Variants in ZNF665 observed in about 807,000 individuals in gnomAD.
The protein encoded by ZNF665 is zinc finger protein 665.
Under a neutral mutation model 7.9 loss-of-function variants are expected in ZNF665, and 6 were observed. That is an observed-to-expected ratio of 0.76 (90% confidence interval 0.42 to 1.50). ZNF665 has a LOEUF of 1.50. ZNF665 is among the 40% of genes most tolerant of loss of function. The pLI, the probability that ZNF665 is intolerant of heterozygous loss-of-function variation, is 0.01. For synonymous variants in ZNF665, 242 were observed against 274.5 expected (o/e 0.88, Z 1.17); for missense variants, 819 against 806.7 (o/e 1.02, Z -0.18).
chr19:53,179,925 T>C (rs1599881055), intron 2 of ZNF665: 1 of 152,342 alleles, frequency 6.6e-6, no homozygotes, highest in East Asian at 1.9e-4. Flanking sequence ...AGAAGTCTTC[T>C]GTGTGGATTG....
At chr19:53,184,842 C>T (rs7259002) in intron 1 of ZNF665, among the ~76,000 whole-genome samples, 56,895 of 147,276 alleles carry the variant, frequency 0.39, 12,288 homozygotes, top group Non-Finnish European at 0.47. Flanking sequence ...GGAGTGTGAG[C>T]CATCTCCAAT....
rs1429457155 is a variant in ZNF665, at chr19:53,162,869, A to T, written c.*1584T>A. The T allele has an allele frequency of 1.4e-5, 2 of 145,256 alleles. No individual in the cohort carries two copies. The highest frequency in any genetic ancestry group is 3.0e-5 in the Non-Finnish European group (2 of 65,584). The allele number at this position is 145,256 out of a possible 1,614,324, so 9.0% of individuals were successfully genotyped here. On this transcript the variant is annotated 3_prime_UTR_variant, in exon 4 of 4. Coordinates refer to ENST00000396424, the MANE Select transcript of ZNF665 (RefSeq NM_024733.5). ...CTCCATCTCAAAAAAAAAAAAAAAAATCAATCTTTGCTATGCAACAGCTAT... is the reference window on the plus strand; with the variant it reads ...CTCCATCTCAAAAAAAAAAAAAAAATTCAATCTTTGCTATGCAACAGCTAT...
Position 53,166,056 on chromosome 19 carries a change from A to G in ZNF665, c.434T>C (p.Phe145Ser). ...CTGCAGTTCAGGGAGATGTGACTGAAAGCTTACTCCAAGCTGATTTTCAAT... is the reference window on the plus strand; with the variant it reads ...CTGCAGTTCAGGGAGATGTGACTGAGAGCTTACTCCAAGCTGATTTTCAAT... The part of the protein sequence containing the change: ...RHIENQLGVS[F>S]QSHLPELQQF... Residue 145 changes from phenylalanine to serine, a missense_variant, in exon 4 of 4, where the codon TTT (phenylalanine) becomes TCT (serine). Transcript: ENST00000396424. The G allele has an allele frequency of 6.2e-7, 1 of 1,614,110 alleles. No individual in the cohort carries two copies. Among genetic ancestry groups the G allele is most frequent in the Non-Finnish European group, 8.5e-7 (1 of 1,179,960 alleles).
At chr19:53,174,306 G>A (rs2090680217) in intron 3 of ZNF665, among the ~76,000 whole-genome samples, 1 of 152,140 alleles carries the variant, frequency 6.6e-6, no homozygotes, top group Non-Finnish European at 1.5e-5. Flanking sequence ...CCAAGACTTT[G>A]CATGTGTTGC....
intron 2 of ZNF665, among the ~76,000 whole-genome samples, chr19:53,177,588 G>A (rs2090708224): frequency 6.6e-6 from 1 of 151,474 alleles, no homozygotes; most frequent in Non-Finnish European, 1.5e-5. Flanking sequence ...CCCAGCACAA[G>A]TTTATCTCTA....
chr19:53,175,474 A>G lies in ZNF665; in HGVS notation c.113T>C (p.Leu38Ser). The G allele has an allele frequency of 1.2e-6, 2 of 1,612,582 alleles. No individual in the cohort carries two copies. Reference sequence around the variant, plus strand: ...GGAGACCAGGTTCCTATAATTCTCCAACATGACGTCCCTGTACAAAGTCTT... The same window carrying G: ...GGAGACCAGGTTCCTATAATTCTCCGACATGACGTCCCTGTACAAAGTCTT... ...AQKTLYRDVM[L>S]ENYRNLVSLD... The change falls in exon 3 of 4, where the codon TTG becomes TCG. Residue 38 changes from leucine (L) to serine (S), a missense_variant. By Grantham distance (145) the Leu-to-Ser change is moderately radical (BLOSUM62 -2). Transcript: ENST00000396424.
intron 3 of ZNF665, among the ~76,000 whole-genome samples, chr19:53,169,779 C>A (rs1467844088): frequency 6.9e-6 from 1 of 144,830 alleles, no homozygotes; most frequent in East Asian, 2.0e-4. Flanking sequence ...TGAGAATATG[C>A]GGTGTTTGGT....
At chr19:53,172,530 G>A (rs1445827149) in intron 3 of ZNF665, among the ~76,000 whole-genome samples, 3 of 151,896 alleles carry the variant, frequency 2.0e-5, no homozygotes, top group African/African-American at 7.2e-5. Context: ...CTGTTTGTCT[G>A]CCTTCCTTCA....
At chr19:53,175,627 A>G (rs1319789632) in intron 2 of ZNF665, 56 bp from the exon 3 acceptor site, 1 of 1,552,106 alleles carries the variant, frequency 6.4e-7, no homozygotes, top group African/African-American at 1.4e-5. Flanking sequence ...GAATCTTCAC[A>G]TAAAACAAGA....
Position 53,164,322 on chromosome 19 carries a change from G to C in ZNF665, c.*131C>G, listed in dbSNP as rs957445121. 3 of 684,986 alleles carry C rather than the reference G, an allele frequency of 4.4e-6. No homozygotes were observed. The highest frequency in any genetic ancestry group is 2.8e-5 in the East Asian group (1 of 35,634). 42.4% of individuals were successfully genotyped at this position (684,986 alleles called of 1,614,324 possible). A position where few individuals can be genotyped will look rare whatever the true frequency, so the allele number is the denominator to read the frequency against. ...CCAGCTAATTTTTGTATTTTTAGTAGAGACAGCGTTTCACCGTGTTGGCCA... is the reference window on the plus strand; with the variant it reads ...CCAGCTAATTTTTGTATTTTTAGTACAGACAGCGTTTCACCGTGTTGGCCA... On this transcript the variant is annotated 3_prime_UTR_variant, in exon 4 of 4. Transcript: ENST00000396424.
At chr19:53,177,605 TTAGA>T (rs1479700174) in intron 2 of ZNF665, among the ~76,000 whole-genome samples, 2 of 151,980 alleles carry the variant, frequency 1.3e-5, no homozygotes, top group African/African-American at 4.8e-5. Flanking sequence ...TCTACCAGTG[TTAGA>T]TAGATATTAT....
chr19:53,184,723 G>T (rs959064525), intron 1 of ZNF665, among the ~76,000 whole-genome samples: 1 of 152,168 alleles, frequency 6.6e-6, no homozygotes, highest in Non-Finnish European at 1.5e-5. Context: ...TAAAAGAAAA[G>T]GCAGCTGGGC....
At position 53,164,856 on chromosome 19, in the gene ZNF665, T is replaced by C; in HGVS notation, c.1634A>G (p.Asn545Ser). ...IHTGQKPYKC[N>S]DCGKVFRHNS... Reference sequence around the variant, plus strand: ...GTGTCTGAAGACCTTGCCGCAATCATTACATTTGTATGGTTTTTGTCCAGT... The same window carrying C: ...GTGTCTGAAGACCTTGCCGCAATCACTACATTTGTATGGTTTTTGTCCAGT... Residue 545 changes from asparagine to serine, a missense_variant, in exon 4 of 4, where the codon AAT becomes AGT. Asn to Ser is a conservative substitution (Grantham distance 46). Coordinates refer to ENST00000396424, the MANE Select transcript of ZNF665 (RefSeq NM_024733.5). The C allele has an allele frequency of 6.2e-7, 1 of 1,614,202 alleles. No individual in the cohort carries two copies. Among genetic ancestry groups the C allele is most frequent in the Non-Finnish European group, 8.5e-7 (1 of 1,180,040 alleles).
At position 53,164,880 on chromosome 19, in the gene ZNF665, G is replaced by C. The variant is rs765418201; in HGVS notation, c.1610C>G (p.Thr537Ser). The C allele has an allele frequency of 1.2e-6, 2 of 1,614,038 alleles. No individual in the cohort carries two copies. Among genetic ancestry groups the C allele is most frequent in the African/African-American group, 1.3e-5 (1 of 74,904 alleles). The change falls in exon 4 of 4, where the codon ACT becomes AGT. Residue 537 changes from threonine (T) to serine (S), a missense_variant. Coordinates refer to ENST00000396424, the MANE Select transcript of ZNF665 (RefSeq NM_024733.5). ...SSLTIHQTIH[T>S]GQKPYKCNDC... ...ATTACATTTGTATGGTTTTTGTCCA[G>C]TATGTATTGTCTGATGTATAGTTAG...
Position 53,166,102 on chromosome 19 carries a change from T to C in ZNF665, c.388A>G (p.Arg130Gly), listed in dbSNP as rs1347465004. The change falls in exon 4 of 4, where the codon AGG becomes GGG. Residue 130 changes from arginine (R) to glycine (G), a missense_variant. Transcript: ENST00000396424. ...TCAATATGCCTGTTTCCTGCAGCCC[T>C]TCTATCACGTTGAGCTCTTCTACCA... Reference protein sequence around the residue: ...LPGRRAQRDRRAAGNRHIENQ... With the variant: ...LPGRRAQRDRGAAGNRHIENQ... The C allele has an allele frequency of 1.2e-6, 2 of 1,613,896 alleles. No individual in the cohort carries two copies. The highest frequency in any genetic ancestry group is 4.5e-5 in the East Asian group (2 of 44,894).
At chr19:53,180,082 T>C (rs1568663580) in intron 2 of ZNF665, 1 of 152,190 alleles carries the variant, frequency 6.6e-6, no homozygotes, top group Non-Finnish European at 1.5e-5. Context: ...CAAAGGTCAT[T>C]ATATACACAA....
At chr19:53,191,256 G>A (rs992773398) in intron 1 of ZNF665, among the ~76,000 whole-genome samples, 13 of 152,176 alleles carry the variant, frequency 8.5e-5, no homozygotes, top group African/African-American at 3.1e-4. Context: ...GGTGATGAGA[G>A]GCGATGCATT....
chr19:53,172,645 T>C (rs984027960), intron 3 of ZNF665, among the ~76,000 whole-genome samples: 2 of 151,966 alleles, frequency 1.3e-5, no homozygotes, highest in African/African-American at 4.8e-5. Context: ...GCCAATGTGG[T>C]GAAACCCTGT....
chr19:53,175,875 G>A (rs1275807139), intron 2 of ZNF665, among the ~76,000 whole-genome samples: 1 of 152,150 alleles, frequency 6.6e-6, no homozygotes, highest in Non-Finnish European at 1.5e-5. Flanking sequence ...AGATTACAGG[G>A]TTAGGCTGGG....
Sources: gnomAD v4.1 joint callset for allele counts (sites outside exome capture counted in the v4.1 genomes callset) on GRCh38, gnomAD v4.1.1 for gene constraint, MANE v1.5 for transcripts, NCBI Gene and HGNC (gene_info 2026-07-23, HGNC 2026-07-21) for gene names.